The following DENND5A variants were observed in gnomAD, a reference collection of about 807,000 sequenced individuals.
The protein encoded by DENND5A is DENN domain containing 5A.
In DENND5A, 64 loss-of-function variants were observed where a neutral mutation model predicts 140.3. The observed-to-expected ratio is 0.46, with a 90% confidence interval of 0.37 to 0.56. The LOEUF (loss-of-function observed/expected upper bound fraction) is 0.56, where lower values mean the gene tolerates loss of function less well. DENND5A is among the 20% of genes least tolerant of loss of function. The probability of loss-of-function intolerance (pLI) is 0.00; values close to 1 mark genes in which losing one functional copy is unlikely to be tolerated. For missense variants in DENND5A, 1,292 were observed against 1,593.8 expected (o/e 0.81, Z 3.22); for synonymous variants, 605 against 607.7 (o/e 1.00, Z 0.07).
intron 17 of DENND5A, 151 bp from the exon 18 acceptor site, chr11:9,145,264 C>A (rs541252483): frequency 6.3e-6 from 4 of 639,474 alleles, no homozygotes; most frequent in Admixed American, 2.6e-5. Context: ...GCCAGAACTG[C>A]GGTACAGCAC....
At chr11:9,195,351 C>T (rs1263863502) in intron 4 of DENND5A, among the ~76,000 whole-genome samples, 9 of 152,166 alleles carry the variant, frequency 5.9e-5, no homozygotes, top group Admixed American at 5.9e-4. Flanking sequence ...GCTGGGATTA[C>T]AGGAATGAGC....
chr11:9,191,401 C>T (rs934153123), intron 5 of DENND5A, among the ~76,000 whole-genome samples: 1 of 152,148 alleles, frequency 6.6e-6, no homozygotes, highest in Non-Finnish European at 1.5e-5. Context: ...CCATGCCCAG[C>T]TAATTTTTTT....
chr11:9,224,914 A>G (rs1387502607), intron 1 of DENND5A, among the ~76,000 whole-genome samples: 1 of 151,900 alleles, frequency 6.6e-6, no homozygotes, highest in African/African-American at 2.4e-5. Flanking sequence ...CCCATCCCCA[A>G]GTTCTTCTGG....
At chr11:9,185,389 T>C (rs1201443462) in intron 5 of DENND5A, among the ~76,000 whole-genome samples, 1 of 152,206 alleles carries the variant, frequency 6.6e-6, no homozygotes, top group Non-Finnish European at 1.5e-5. Context: ...GGTTTACTTT[T>C]TTCCCCTACA....
intron 1 of DENND5A, among the ~76,000 whole-genome samples, chr11:9,225,671 G>A (rs1850501704): frequency 6.6e-6 from 1 of 152,060 alleles, no homozygotes; most frequent in Non-Finnish European, 1.5e-5. Flanking sequence ...CTGAGGCAGG[G>A]GAATCACTTG....
chr11:9,166,756 C>A (rs560976804), intron 10 of DENND5A, among the ~76,000 whole-genome samples: 6 of 151,988 alleles, frequency 3.9e-5, no homozygotes, highest in African/African-American at 1.4e-4. Flanking sequence ...TGCTTGAACC[C>A]GGGAGGTGGA....
chr11:9,208,593 T>TA (rs1414780598), intron 1 of DENND5A, among the ~76,000 whole-genome samples: 5 of 152,234 alleles, frequency 3.3e-5, no homozygotes, highest in African/African-American at 7.2e-5. Flanking sequence ...TTACTGCTTT[T>TA]ATAACTACAA....
chr11:9,207,744 A>G (rs1849741012), intron 1 of DENND5A, 112 bp from the exon 2 acceptor site: 2 of 756,416 alleles, frequency 2.6e-6, no homozygotes, highest in Non-Finnish European at 4.4e-6. Context: ...ATAAACACAT[A>G]CATGTATGTG....
intron 4 of DENND5A, among the ~76,000 whole-genome samples, chr11:9,200,504 C>G (rs1169395804): frequency 6.6e-6 from 1 of 152,150 alleles, no homozygotes; most frequent in Non-Finnish European, 1.5e-5. Flanking sequence ...AACATTATTG[C>G]CAATATTTAA....
At chr11:9,224,877 T>A (rs1009919732) in intron 1 of DENND5A, among the ~76,000 whole-genome samples, 9 of 143,208 alleles carry the variant, frequency 6.3e-5, no homozygotes, top group Admixed American at 7.0e-5. Flanking sequence ...AAAAAAAAAA[T>A]CCACAGTATC....
intron 1 of DENND5A, among the ~76,000 whole-genome samples, chr11:9,232,868 C>T (rs1269471277): frequency 6.6e-6 from 1 of 152,210 alleles, no homozygotes; most frequent in Admixed American, 6.6e-5. Flanking sequence ...TAAAGTCACA[C>T]AATGGCAAAC....
At chr11:9,213,617 G>A (rs1022067324) in intron 1 of DENND5A, among the ~76,000 whole-genome samples, 13 of 151,186 alleles carry the variant, frequency 8.6e-5, no homozygotes, top group African/African-American at 3.2e-4. Flanking sequence ...AGACCAGCTG[G>A]GCCAACATGG....
At chr11:9,220,544 T>C (rs1850269301) in intron 1 of DENND5A, among the ~76,000 whole-genome samples, 1 of 151,092 alleles carries the variant, frequency 6.6e-6, no homozygotes, top group Admixed American at 6.6e-5. Context: ...CGAAACTCTG[T>C]CTCAAAAATA....
chr11:9,161,417 T>C (rs1456411092), intron 11 of DENND5A, among the ~76,000 whole-genome samples: 1 of 152,156 alleles, frequency 6.6e-6, no homozygotes. Context: ...TGGCCAGTGA[T>C]TTCATCACTC....
chr11:9,250,952 T>G (rs1353964486), intron 1 of DENND5A, among the ~76,000 whole-genome samples: 4 of 151,908 alleles, frequency 2.6e-5, no homozygotes, highest in Non-Finnish European at 5.9e-5. Flanking sequence ...CCGACCAACA[T>G]GGTGAAACCC....
At position 9,180,797 on chromosome 11, in the gene DENND5A, C is replaced by G; in HGVS notation, c.1425G>C (p.Leu475Phe). The stretch of plus-strand genomic sequence containing the variant: ...CCAGGCTCACCCCAGTTCTCTTGAC[C>G]AAGGCTTGCAGCCGGGCAATAGTTT... ...ENETIARLQA[L>F]VKRTGVSLEK... The change falls in exon 6 of 23, where the codon TTG becomes TTC. Residue 475 changes from leucine to phenylalanine, a missense_variant. Leu to Phe is a conservative substitution (Grantham distance 22). This residue lies in a region of DENND5A where 566 missense variants were observed against 650.4 expected (regional missense o/e 0.87). Transcript: ENST00000328194. 2 of 1,614,122 alleles carry G rather than the reference C, an allele frequency of 1.2e-6. No individual in the cohort carries two copies. Among genetic ancestry groups the G allele is most frequent in the East Asian group, 4.5e-5 (2 of 44,880 alleles).
At chr11:9,205,073 T>C (rs1219799857) in intron 3 of DENND5A, among the ~76,000 whole-genome samples, 1 of 152,224 alleles carries the variant, frequency 6.6e-6, no homozygotes, top group Non-Finnish European at 1.5e-5. Flanking sequence ...CATGCAACTT[T>C]ATACCTAAAA....
chr11:9,193,812 G>A, intron 4 of DENND5A, 131 bp from the exon 5 acceptor site: 2 of 792,260 alleles, frequency 2.5e-6, no homozygotes. Flanking sequence ...CTTCAGCTAG[G>A]GTATGCTCAA....
intron 4 of DENND5A, among the ~76,000 whole-genome samples, chr11:9,195,364 C>T (rs888228222): frequency 3.5e-4 from 53 of 152,338 alleles, no homozygotes; most frequent in African/African-American, 1.3e-3. Context: ...GAATGAGCCA[C>T]TGCGCTTGGC....
Sources: allele counts gnomAD v4.1 joint callset (sites outside exome capture counted in the v4.1 genomes callset), GRCh38; gene constraint gnomAD v4.1.1; regional missense constraint gnomAD v4.1.1; transcripts MANE v1.5; gene names NCBI Gene and HGNC (gene_info 2026-07-23, HGNC 2026-07-21).